Variants in MEGF11 observed in about 807,000 individuals in gnomAD.
The protein encoded by MEGF11 is multiple EGF like domains 11.
MEGF11 carries 126 observed loss-of-function variants against 146.6 expected under a neutral mutation model. The observed-to-expected ratio is 0.86, with a 90% CI of 0.74 to 1.00. The LOEUF is 1.00. Among genes scored for constraint, MEGF11 ranks in the 50% least tolerant of loss-of-function variants. The probability of loss-of-function intolerance (pLI) is 0.00; values close to 1 mark genes in which losing one functional copy is unlikely to be tolerated. For missense variants in MEGF11, 1,509 were observed against 1,521.2 expected (o/e 0.99, Z 0.13); for synonymous variants, 532 against 583.4 (o/e 0.91, Z 1.27).
At chr15:66,036,570 A>G (rs1431075554) in intron 5 of MEGF11, among the ~76,000 whole-genome samples, 1 of 152,176 alleles carries the variant, frequency 6.6e-6, no homozygotes, top group Non-Finnish European at 1.5e-5. Context: ...GTTTTCTGAC[A>G]GCCTCAGTGT....
chr15:66,082,468 T>A (rs958881357), intron 5 of MEGF11, among the ~76,000 whole-genome samples: 606 of 41,396 alleles, frequency 0.015, 5 homozygotes, highest in South Asian at 0.025. Context: ...AAAAAAAAAA[T>A]CTATCTATCT....
intron 7 of MEGF11, among the ~76,000 whole-genome samples, chr15:65,979,311 G>C (rs1201520898): frequency 6.6e-6 from 1 of 152,164 alleles, no homozygotes; most frequent in Non-Finnish European, 1.5e-5. Context: ...GTGCAGTCAG[G>C]TTTGGATACT....
intron 7 of MEGF11, among the ~76,000 whole-genome samples, chr15:65,979,281 AC>A (rs1007996671): frequency 6.6e-6 from 1 of 151,562 alleles, no homozygotes; most frequent in Admixed American, 6.6e-5. Context: ...ACCCCCCACC[AC>A]CCCCTTGTCA....
At chr15:66,057,956 C>T (rs766722669) in intron 5 of MEGF11, among the ~76,000 whole-genome samples, 31 of 152,102 alleles carry the variant, frequency 2.0e-4, no homozygotes, top group Non-Finnish European at 2.1e-4. Flanking sequence ...AGCTTTATTT[C>T]CCAGGAGTTA....
At chr15:66,075,802 C>G (rs957393269) in intron 5 of MEGF11, among the ~76,000 whole-genome samples, 4 of 152,128 alleles carry the variant, frequency 2.6e-5, no homozygotes, top group Admixed American at 2.6e-4. Flanking sequence ...TAGCTCAAGA[C>G]TATGTTTAAG....
rs369208864 is a variant in MEGF11, at chr15:65,982,780, C to A, written c.395-292G>T. Among the ~76,000 whole-genome samples, 2 of 152,168 alleles carry A rather than the reference C, an allele frequency of 1.3e-5. No individual in the cohort carries two copies. Among genetic ancestry groups the A allele is most frequent in the African/African-American group, 4.8e-5 (2 of 41,440 alleles). ...CTTCCAACCAAATGGCTGCCCTAAG[C>A]CCCCCTCTCCTGTATTGAAATTCCG... On this transcript the variant is annotated intron_variant, in intron 5 of 25. Transcript: ENST00000395614. This position sits in a 1 kb window ranked among gnomAD's most constrained non-coding sequence, Gnocchi z 5.6.
chr15:66,221,782 G>A (rs1193606814), intron 1 of MEGF11, among the ~76,000 whole-genome samples: 1 of 151,982 alleles, frequency 6.6e-6, no homozygotes, highest in South Asian at 2.1e-4. Flanking sequence ...ATTAAACTTT[G>A]GGGTAAAATT....
At chr15:65,915,807 C>T (rs1342660402) in intron 18 of MEGF11, among the ~76,000 whole-genome samples, 3 of 152,114 alleles carry the variant, frequency 2.0e-5, no homozygotes. Flanking sequence ...CTACTTCCTC[C>T]TCATGCAACA....
chr15:66,048,554 C>G (rs1048823961), intron 5 of MEGF11, among the ~76,000 whole-genome samples: 2 of 152,220 alleles, frequency 1.3e-5, no homozygotes, highest in African/African-American at 4.8e-5. Context: ...AACACCTCCC[C>G]GACAGCTCAC....
In MEGF11 at chr15:65,965,103, G is replaced by T. The variant is rs1383231339; in HGVS notation, c.917C>A (p.Pro306His). Residue 306 changes from proline to histidine, a missense_variant, in exon 9 of 26, where the codon CCC becomes CAC. By Grantham distance (77) the Pro-to-His change is moderately conservative. Transcript: ENST00000395614. ...GCACTGGAAGCCGAAGGACCCGAAG[G>T]GGCACTCCTCTTGGCACCTGTGGGA... ...YMGDRCQEEC[P>H]FGSFGFQCSQ... 2 of 1,593,092 alleles carry T rather than the reference G, an allele frequency of 1.3e-6. No homozygotes were observed. The highest frequency in any genetic ancestry group is 2.3e-5 in the East Asian group (1 of 44,112).
chr15:65,953,304 G>A lies in MEGF11; in HGVS notation c.1287+4243C>T, dbSNP rs182302148. On this transcript the variant is annotated intron_variant, in intron 10 of 25. Coordinates refer to ENST00000395614, the MANE Select transcript of MEGF11 (RefSeq NM_001385028.1). ...AGTTCCATGTCAGGCAGGATAAGTGGCTTGCCAGTAGTCAGTGTGGGGATT... is the reference window on the plus strand; with the variant it reads ...AGTTCCATGTCAGGCAGGATAAGTGACTTGCCAGTAGTCAGTGTGGGGATT... 1.9e-3 allele frequency among the ~76,000 whole-genome samples: 286 copies of A among 152,322 alleles called. 1 individual carries two copies. The highest frequency in any genetic ancestry group is 6.5e-3 in the African/African-American group (269 of 41,566).
chr15:66,159,386 CCAAG>C (rs2089875206), intron 1 of MEGF11, among the ~76,000 whole-genome samples: 1 of 152,188 alleles, frequency 6.6e-6, no homozygotes, highest in African/African-American at 2.4e-5. Flanking sequence ...CAGGGAAAGA[CCAAG>C]AACCTCCAGA....
In MEGF11 at chr15:65,957,590, C is replaced by A; in HGVS notation, c.1244G>T (p.Cys415Phe). 1 of 1,613,872 alleles carries A rather than the reference C, an allele frequency of 6.2e-7. No homozygotes were observed. Among genetic ancestry groups the A allele is most frequent in the Non-Finnish European group, 8.5e-7 (1 of 1,179,840 alleles). ...AGTGCAGCCCCCAGTGATGCTGTGG[C>A]AGTCGGCGCCATTCTGACAGGTGCA... ...LPCTCQNGADCHSITGGCTCA... is the reference protein window; with the variant it reads ...LPCTCQNGADFHSITGGCTCA... Residue 415 changes from cysteine to phenylalanine, a missense_variant, in exon 10 of 26, where the codon TGC (cysteine) becomes TTC (phenylalanine). Physicochemically the swap from Cys to Phe is radical, Grantham distance 205. Transcript: ENST00000395614.
At chr15:66,136,649 G>T (rs1360329046) in intron 1 of MEGF11, among the ~76,000 whole-genome samples, 1 of 152,222 alleles carries the variant, frequency 6.6e-6, no homozygotes, top group African/African-American at 2.4e-5. Flanking sequence ...CTTTAACCCA[G>T]CATTCCATTT....
At chr15:66,077,102 C>T (rs1184070714) in intron 5 of MEGF11, among the ~76,000 whole-genome samples, 1 of 152,204 alleles carries the variant, frequency 6.6e-6, no homozygotes, top group Non-Finnish European at 1.5e-5. Flanking sequence ...AATGCCAGAG[C>T]CCCTTGGGCT....
intron 21 of MEGF11, 197 bp from the exon 22 acceptor site, chr15:65,910,003 A>G (rs1284993765): frequency 2.9e-6 from 2 of 691,102 alleles, no homozygotes; most frequent in Admixed American, 2.0e-5. Flanking sequence ...GGAATAGAAC[A>G]TACCCCACCC....
chr15:65,975,841 A>G (rs1320253636), intron 7 of MEGF11, among the ~76,000 whole-genome samples: 2 of 152,190 alleles, frequency 1.3e-5, no homozygotes, highest in Non-Finnish European at 2.9e-5. Flanking sequence ...GAGGTGGCAC[A>G]TGGTGGGAGC....
At chr15:66,150,809 G>A (rs1161351934) in intron 1 of MEGF11, among the ~76,000 whole-genome samples, 2 of 148,902 alleles carry the variant, frequency 1.3e-5, no homozygotes, top group Non-Finnish European at 3.0e-5. Flanking sequence ...CTGGGCAATA[G>A]AGCAATGCCC....
chr15:65,984,142 G>A lies in MEGF11; in HGVS notation c.395-1654C>T, dbSNP rs141734687. ...CAAACTGAACTGCCAAGTTATGAGT[G>A]AGTCTCACCCTATATTTTCCACCTG... On this transcript the variant is annotated intron_variant, in intron 5 of 25. Coordinates refer to ENST00000395614, the MANE Select transcript of MEGF11 (RefSeq NM_001385028.1). Among the ~76,000 whole-genome samples the A allele has an allele frequency of 3.3e-5, 5 of 152,248 alleles. No homozygotes were observed. The East Asian group carries it at 9.6e-4, about 29-fold the overall frequency.
Sources: allele counts gnomAD v4.1 joint callset (sites outside exome capture counted in the v4.1 genomes callset), GRCh38; gene constraint gnomAD v4.1.1; non-coding constraint Gnocchi (gnomAD v3.1); transcripts MANE v1.5; gene names NCBI Gene and HGNC (gene_info 2026-07-23, HGNC 2026-07-21).